Variants in TINAG observed in about 807,000 individuals in gnomAD.
The protein encoded by TINAG is tubulointerstitial nephritis antigen.
A neutral mutation model predicts 72.7 loss-of-function variants in TINAG; 83 were observed. The ratio of observed to expected loss-of-function variants is 1.14; its 90% CI spans 0.96 to 1.37. TINAG has a LOEUF of 1.37. TINAG is among the 40% of genes most tolerant of loss of function. TINAG has a pLI of 0.00. For synonymous variants in TINAG, 234 were observed against 189.9 expected, an observed-to-expected ratio of 1.23 and a Z score of -1.91; for missense variants, 685 against 576.6, an observed-to-expected ratio of 1.19 and a Z score of -1.93.
At chr6:54,361,221 G>T (rs1053702126) in intron 9 of TINAG, among the ~76,000 whole-genome samples, 1 of 151,288 alleles carries the variant, frequency 6.6e-6, no homozygotes. Context: ...ATGGTAATTA[G>T]TACTCCTATA....
intron 1 of TINAG, among the ~76,000 whole-genome samples, chr6:54,311,514 A>G (rs2150927619): frequency 6.6e-6 from 1 of 152,292 alleles, no homozygotes; most frequent in Non-Finnish European, 1.5e-5. Flanking sequence ...CTATACGGGG[A>G]CACGTCTCTA....
intron 3 of TINAG, among the ~76,000 whole-genome samples, chr6:54,326,490 A>G (rs183534134): frequency 1.3e-5 from 2 of 152,194 alleles, no homozygotes; most frequent in African/African-American, 2.4e-5. Flanking sequence ...TCTAAGATGC[A>G]TTTAATGGCA....
chr6:54,330,473 T>C (rs1168971657), intron 4 of TINAG, among the ~76,000 whole-genome samples: 1 of 152,172 alleles, frequency 6.6e-6, no homozygotes, highest in Non-Finnish European at 1.5e-5. Context: ...GAGGGAAATT[T>C]ATAGCATGTA....
intron 9 of TINAG, among the ~76,000 whole-genome samples, chr6:54,374,854 A>T (rs1763733416): frequency 6.6e-6 from 1 of 152,042 alleles, no homozygotes; most frequent in Non-Finnish European, 1.5e-5. Flanking sequence ...TTCCTGTTCA[A>T]GTAGGGTGTC....
intron 4 of TINAG, among the ~76,000 whole-genome samples, chr6:54,340,817 A>T (rs957538989): frequency 3.3e-5 from 5 of 152,016 alleles, no homozygotes; most frequent in Non-Finnish European, 5.9e-5. Context: ...CACCATTTAT[A>T]TTTTTTCATT....
chr6:54,336,738 T>A (rs555076097), intron 4 of TINAG, among the ~76,000 whole-genome samples: 4 of 152,120 alleles, frequency 2.6e-5, no homozygotes, highest in Non-Finnish European at 5.9e-5. Flanking sequence ...CTATTACAGG[T>A]TAGTATTATG....
chr6:54,327,170 G>T, intron 4 of TINAG: 1 of 1,546,768 alleles, frequency 6.5e-7, no homozygotes, highest in Non-Finnish European at 8.7e-7. Flanking sequence ...CAAGATGGCC[G>T]ATCAAGAACA....
intron 9 of TINAG, among the ~76,000 whole-genome samples, chr6:54,371,983 T>TTTG (rs1178723485): frequency 1.3e-5 from 1 of 75,454 alleles, no homozygotes; most frequent in East Asian, 4.5e-4. Context: ...CAAGTCATGT[T>TTTG]TTTTTTTTTT....
At chr6:54,345,798 C>G (rs757508382) in intron 5 of TINAG, among the ~76,000 whole-genome samples, 1 of 151,972 alleles carries the variant, frequency 6.6e-6, no homozygotes, top group African/African-American at 2.4e-5. Context: ...AGCAATTTCC[C>G]TAAAGCATTG....
intron 10 of TINAG, among the ~76,000 whole-genome samples, chr6:54,383,693 AG>A (rs1166340780): frequency 1.3e-5 from 2 of 152,182 alleles, no homozygotes; most frequent in African/African-American, 4.8e-5. Flanking sequence ...CTTTAGATGT[AG>A]GCTTTAAAAT....
intron 10 of TINAG, 127 bp from the exon 11 acceptor site, chr6:54,389,664 A>G: frequency 8.7e-7 from 1 of 1,150,974 alleles, no homozygotes; most frequent in South Asian, 1.7e-5. Context: ...AAAATAGGTA[A>G]GTTCTTGATA....
chr6:54,331,885 CA>C (rs1260290094), intron 4 of TINAG, among the ~76,000 whole-genome samples: 7 of 152,056 alleles, frequency 4.6e-5, no homozygotes, highest in African/African-American at 1.7e-4. Context: ...TAAGATACCT[CA>C]GAATACAACC....
intron 9 of TINAG, among the ~76,000 whole-genome samples, chr6:54,376,331 G>T (rs956715961): frequency 7.3e-5 from 11 of 151,654 alleles, no homozygotes; most frequent in Admixed American, 5.9e-4. Context: ...GTCTTCTTTG[G>T]GCTAACCAGT....
At chr6:54,372,847 A>G (rs1763673071) in intron 9 of TINAG, among the ~76,000 whole-genome samples, 2 of 151,340 alleles carry the variant, frequency 1.3e-5, no homozygotes, top group East Asian at 2.0e-4. Flanking sequence ...ATATGTTGCT[A>G]TGGCAATTTG....
chr6:54,375,128 A>C (rs1026564691), intron 9 of TINAG, among the ~76,000 whole-genome samples: 15 of 152,126 alleles, frequency 9.9e-5, no homozygotes, highest in Non-Finnish European at 1.8e-4. Flanking sequence ...TTCTAACTCC[A>C]GATTCTTAGA....
intron 9 of TINAG, among the ~76,000 whole-genome samples, chr6:54,368,641 CTTAGTTT>C (rs1440934623): frequency 6.6e-6 from 1 of 151,346 alleles, no homozygotes; most frequent in African/African-American, 2.4e-5. Flanking sequence ...ATGTATTCCA[CTTAGTTT>C]TACTACCAGG....
At chr6:54,338,719 CAAA>C (rs57231980) in intron 4 of TINAG, among the ~76,000 whole-genome samples, 10,339 of 55,344 alleles carry the variant, frequency 0.19, 144 homozygotes, top group Non-Finnish European at 0.24. Context: ...GACTCTGTCT[CAAA>C]AAAAAAAAAA....
In TINAG at chr6:54,330,793, A is replaced by G. The variant is rs1433773747; in HGVS notation, c.624+3877A>G. On this transcript the variant is annotated intron_variant, in intron 4 of 10. Transcript: ENST00000259782. Reference sequence around the variant, plus strand: ...GGGGATAACATCACTGATACCACAGAAATACAAACTACCATCAGAGAATAC... The same window carrying G: ...GGGGATAACATCACTGATACCACAGGAATACAAACTACCATCAGAGAATAC... 2.6e-5 allele frequency among the ~76,000 whole-genome samples: 4 copies of G among 152,220 alleles called. No homozygotes were observed. The East Asian group carries it at 7.7e-4, about 29-fold the overall frequency.
intron 9 of TINAG, among the ~76,000 whole-genome samples, chr6:54,378,182 T>C (rs985575897): frequency 9.2e-5 from 14 of 152,178 alleles, no homozygotes; most frequent in African/African-American, 2.9e-4. Flanking sequence ...TTTCCATGTG[T>C]GATATTTTCT....
Sources: allele counts gnomAD v4.1 joint callset (sites outside exome capture counted in the v4.1 genomes callset), GRCh38; gene constraint gnomAD v4.1.1; transcripts MANE v1.5; gene names NCBI Gene and HGNC (gene_info 2026-07-23, HGNC 2026-07-21).